Variants in SSC4D observed in about 807,000 individuals in gnomAD.
The protein encoded by SSC4D is scavenger receptor cysteine-rich domain-containing group B protein.
Under a neutral mutation model 63.4 loss-of-function variants are expected in SSC4D, and 57 were observed. The ratio of observed to expected loss-of-function variants is 0.90; its 90% confidence interval spans 0.73 to 1.12. SSC4D has a LOEUF of 1.12. SSC4D is among the 50% of genes most tolerant of loss of function. SSC4D has a pLI of 0.00. For missense variants in SSC4D, 791 were observed against 806.4 expected (o/e 0.98, Z 0.23); for synonymous variants, 352 against 345.4 (o/e 1.02, Z -0.21).
chr7:76,396,431 G>A (rs1044977307), intron 6 of SSC4D, among the ~76,000 whole-genome samples: 2 of 152,150 alleles, frequency 1.3e-5, no homozygotes, highest in Admixed American at 1.3e-4. Flanking sequence ...ATAGAATTAC[G>A]ACTGCAGACC....
At chr7:76,391,075 G>A (rs143463465) in intron 10 of SSC4D, among the ~76,000 whole-genome samples, 1 of 152,250 alleles carries the variant, frequency 6.6e-6, no homozygotes, top group East Asian at 1.9e-4. Context: ...GGTCCAGGCT[G>A]CAGTGGCCGT....
At position 76,404,455 on chromosome 7, in the gene SSC4D, T is replaced by C; in HGVS notation, c.-16A>G. The C allele has an allele frequency of 6.2e-7, 1 of 1,613,676 alleles. No homozygotes were observed. The highest frequency in any genetic ancestry group is 8.5e-7 in the Non-Finnish European group (1 of 1,179,952). On this transcript the variant is annotated 5_prime_UTR_variant, in exon 2 of 11. Transcript: ENST00000275560. ...CCTTGTGCATCTAGATGGTGAAGGG[T>C]GTTTCAGATGCTCCCATCAAGGCGC...
chr7:76,405,308 TATATATATGTA>T (rs1563686932), intron 1 of SSC4D, among the ~76,000 whole-genome samples: 1 of 64,422 alleles, frequency 1.6e-5, no homozygotes, highest in Non-Finnish European at 2.9e-5. Context: ...TATATATATA[TATATATATGTA>T]TTTTTTTCTT....
In SSC4D at chr7:76,397,583, C is replaced by T. The variant is rs551919386; in HGVS notation, c.803G>A (p.Cys268Tyr). ...CEGGEPRLAA[C>Y]QSLGWGVHNC... ...GTGCACACCCCAGCCCAGGCTCTGGCAGGCTGCCAGGCGGGGCTCGCCGCC... is the reference window on the plus strand; with the variant it reads ...GTGCACACCCCAGCCCAGGCTCTGGTAGGCTGCCAGGCGGGGCTCGCCGCC... The change falls in exon 6 of 11, where the codon TGC (cysteine) becomes TAC (tyrosine). Residue 268 changes from cysteine (C) to tyrosine (Y), a missense_variant. Transcript: ENST00000275560. 9 of 1,609,906 alleles carry T rather than the reference C, an allele frequency of 5.6e-6. No individual in the cohort carries two copies. Among genetic ancestry groups the T allele is most frequent in the Non-Finnish European group, 6.8e-6 (8 of 1,178,400 alleles).
intron 1 of SSC4D, among the ~76,000 whole-genome samples, chr7:76,407,550 A>G (rs1563688299): frequency 6.6e-6 from 1 of 152,018 alleles, no homozygotes; most frequent in African/African-American, 2.4e-5. Flanking sequence ...TAGGCAACAT[A>G]GTGAGACCCC....
At chr7:76,392,597 C>G in intron 9 of SSC4D, among the ~76,000 whole-genome samples, 1 of 150,814 alleles carries the variant, frequency 6.6e-6, no homozygotes, top group Non-Finnish European at 1.5e-5. Flanking sequence ...TCGAGAGTAG[C>G]CTGGGCAACA....
chr7:76,396,524 A>C (rs947990213), intron 6 of SSC4D, among the ~76,000 whole-genome samples: 1 of 152,206 alleles, frequency 6.6e-6, no homozygotes, highest in African/African-American at 2.4e-5. Flanking sequence ...GCTGCTGTGC[A>C]TTGCCGCGTC....
rs1006414128 is a variant in SSC4D, at chr7:76,393,407, G to A, written c.1331C>T (p.Ala444Val). Residue 444 changes from alanine to valine, a missense_variant and splice_region_variant, in exon 9 of 11, where the codon GCA (alanine) becomes GTA (valine). By Grantham distance (64) the Ala-to-Val change is moderately conservative. Coordinates refer to ENST00000275560, the MANE Select transcript of SSC4D (RefSeq NM_080744.2). The stretch of plus-strand genomic sequence containing the variant: ...CTCACCTTCGCTGTCAGCCTCACCT[G>A]CGCAGAGCGCTCCCGCGTCCTCGTG... ...GHHEDAGALCAGPEELGLQVQ... is the reference protein window; with the variant it reads ...GHHEDAGALCVGPEELGLQVQ... 1.4e-6 allele frequency: 2 copies of A among 1,461,376 alleles called. No individual in the cohort carries two copies. Among genetic ancestry groups the A allele is most frequent in the African/African-American group, 1.5e-5 (1 of 68,624 alleles). The allele number at this position is 1,461,376 out of a possible 1,614,324, so 90.5% of individuals were successfully genotyped here. A position where few individuals can be genotyped will look rare whatever the true frequency, so the allele number is the denominator to read the frequency against.
Position 76,409,464 on chromosome 7 carries a change from A to C in SSC4D, c.-117T>G, listed in dbSNP as rs1805173351. 6.6e-6 allele frequency: 1 copy of C among 152,248 alleles called. No individual in the cohort carries two copies. Among genetic ancestry groups the C allele is most frequent in the African/African-American group, 2.4e-5 (1 of 41,448 alleles). The allele number at this position is 152,248 out of a possible 1,614,324, so 9.4% of individuals were successfully genotyped here. A position where few individuals can be genotyped will look rare whatever the true frequency, so the allele number is the denominator to read the frequency against. ...TGTCCCTTCTTCTACAGTCAATCCA[A>C]GATCGAATCACTTTGTCTGCCCCTG... On this transcript the variant is annotated 5_prime_UTR_variant, in exon 1 of 11. Transcript: ENST00000275560.
intron 4 of SSC4D, 152 bp downstream of exon 4, chr7:76,400,134 C>A: frequency 1.2e-6 from 1 of 856,834 alleles, no homozygotes; most frequent in Non-Finnish European, 1.6e-6. Flanking sequence ...GGGACCCAGG[C>A]TGGGGTTCTT....
chr7:76,399,604 G>T (rs1232099830), intron 4 of SSC4D, among the ~76,000 whole-genome samples: 1 of 151,274 alleles, frequency 6.6e-6, no homozygotes, highest in East Asian at 2.0e-4. Flanking sequence ...TCACAATCAC[G>T]GCTCACTGCA....
Position 76,409,620 on chromosome 7 carries a change from C to T in SSC4D, c.-273G>A. 1 of 152,326 alleles carries T rather than the reference C, an allele frequency of 6.6e-6. No homozygotes were observed. The highest frequency in any genetic ancestry group is 1.9e-4 in the East Asian group (1 of 5,196). The allele number at this position is 152,326 out of a possible 1,614,324, so 9.4% of individuals were successfully genotyped here. ...AGCTGGCTGGTGGCCCCAGCCTGTC[C>T]CCATCCGACCTTAGGGACAGCAAGA... On this transcript the variant is annotated 5_prime_UTR_variant, in exon 1 of 11. Transcript: ENST00000275560.
In SSC4D at chr7:76,393,444, T is replaced by G. The variant is rs1804547808; in HGVS notation, c.1294A>C (p.Asn432His). 1 of 1,521,746 alleles carries G rather than the reference T, an allele frequency of 6.6e-7. No homozygotes were observed. Among genetic ancestry groups the G allele is most frequent in the South Asian group, 1.2e-5 (1 of 81,928 alleles). 94.3% of individuals were successfully genotyped at this position (1,521,746 alleles called of 1,614,324 possible). ...DCFHLGWGQHNCGHHEDAGAL... is the reference protein window; with the variant it reads ...DCFHLGWGQHHCGHHEDAGAL... ...CCCGCGTCCTCGTGGTGGCCGCAGT[T>G]GTGCTGGCCCCAGCCCAGGTGGAAG... Residue 432 changes from asparagine to histidine, a missense_variant, in exon 9 of 11, where the codon AAC becomes CAC. Coordinates refer to ENST00000275560, the MANE Select transcript of SSC4D (RefSeq NM_080744.2).
In SSC4D at chr7:76,395,227, C is replaced by T. The variant is rs1483935848; in HGVS notation, c.946+26G>A. The T allele has an allele frequency of 3.7e-6, 6 of 1,612,884 alleles. No individual in the cohort carries two copies. The African/African-American group carries it at 5.3e-5, about 14-fold the overall frequency. ...CCGCACCCACCATACCCCTACCATT[C>T]CCGCCTGGAGGGCTGAGCTCTTTAC... On this transcript the variant is annotated intron_variant, in intron 7 of 10. Transcript: ENST00000275560.
chr7:76,404,642 A>C (rs1469858592), intron 1 of SSC4D, 137 bp from the exon 2 acceptor site: 8 of 671,510 alleles, frequency 1.2e-5, no homozygotes, highest in Middle Eastern at 8.4e-4. Context: ...AAAGTTTTTA[A>C]AAATGAGGCC....
intron 9 of SSC4D, among the ~76,000 whole-genome samples, 186 bp from the exon 10 acceptor site, chr7:76,392,227 CT>C (rs1804508355): frequency 6.6e-6 from 1 of 152,122 alleles, no homozygotes; most frequent in South Asian, 2.1e-4. Flanking sequence ...GGTGCAGTGG[CT>C]CACACCTGTA....
intron 4 of SSC4D, among the ~76,000 whole-genome samples, chr7:76,399,050 C>T (rs1173007769): frequency 1.3e-5 from 2 of 152,118 alleles, no homozygotes; most frequent in African/African-American, 4.8e-5. Flanking sequence ...CTTGCTCTGT[C>T]GCTCAGGCTG....
At chr7:76,404,568 G>A in intron 1 of SSC4D, 63 bp from the exon 2 acceptor site, 1 of 1,391,956 alleles carries the variant, frequency 7.2e-7, no homozygotes, top group Non-Finnish European at 1.0e-6. Context: ...GAGGTGGGAG[G>A]ATTGCTTGCA....
intron 9 of SSC4D, 148 bp downstream of exon 9, chr7:76,393,257 G>A (rs1276864663): frequency 5.0e-6 from 4 of 794,766 alleles, no homozygotes; most frequent in Middle Eastern, 4.5e-4. Context: ...CAGAGCGGGC[G>A]CACGGCGGGG....
Sources: gnomAD v4.1 joint callset for allele counts (sites outside exome capture counted in the v4.1 genomes callset) on GRCh38, gnomAD v4.1.1 for gene constraint, MANE v1.5 for transcripts, NCBI Gene and HGNC (gene_info 2026-07-23, HGNC 2026-07-21) for gene names.